The following RSBN1 variants were observed in gnomAD, a reference collection of about 807,000 sequenced individuals.
The protein encoded by RSBN1 is round spermatid basic protein 1, also known as lysine-specific demethylase 9.
A neutral mutation model predicts 74.8 loss-of-function variants in RSBN1; 23 were observed. The observed-to-expected ratio is 0.31, with a 90% confidence interval of 0.22 to 0.44. The LOEUF (loss-of-function observed/expected upper bound fraction) is 0.44, where lower values mean the gene tolerates loss of function less well. Among genes scored for constraint, RSBN1 ranks in the 20% least tolerant of loss-of-function variants. RSBN1 has a pLI of 1.00. For missense variants in RSBN1, 808 were observed against 1,020.9 expected (o/e 0.79, Z 2.84); for synonymous variants, 407 against 379.6 (o/e 1.07, Z -0.84).
At chr1:113,767,668 A>G (rs891174074) in intron 5 of RSBN1, among the ~76,000 whole-genome samples, 1 of 152,216 alleles carries the variant, frequency 6.6e-6, no homozygotes, top group Non-Finnish European at 1.5e-5. Flanking sequence ...AGATATTTAT[A>G]CACCCATGTT....
chr1:113,782,114 T>C (rs1190031030), intron 2 of RSBN1, among the ~76,000 whole-genome samples: 1 of 152,200 alleles, frequency 6.6e-6, no homozygotes, highest in Admixed American at 6.5e-5. Flanking sequence ...TCTCCACATT[T>C]GCCACATTCT....
In RSBN1 at chr1:113,812,082, G is replaced by C; in HGVS notation, c.331C>G (p.Pro111Ala). 1 of 1,583,568 alleles carries C rather than the reference G, an allele frequency of 6.3e-7. No individual in the cohort carries two copies. Among genetic ancestry groups the C allele is most frequent in the Admixed American group, 1.8e-5 (1 of 55,888 alleles). ...GRPSQEPPLAPPHRRRRSRQH... is the reference protein window; with the variant it reads ...GRPSQEPPLAAPHRRRRSRQH... ...CGGCTGCGACGCCGCCGGTGAGGGG[G>C]AGCGAGAGGGGGCTCCTGGCTCGGC... The change falls in exon 1 of 7, where the codon CCC (proline) becomes GCC (alanine). Residue 111 changes from proline to alanine, a missense_variant. Pro to Ala is a conservative substitution (Grantham distance 27). Coordinates refer to ENST00000261441, the MANE Select transcript of RSBN1 (RefSeq NM_018364.5).
At chr1:113,774,516 TA>T (rs557193765) in intron 4 of RSBN1, among the ~76,000 whole-genome samples, 39 of 144,102 alleles carry the variant, frequency 2.7e-4, no homozygotes, top group African/African-American at 5.1e-4. Context: ...CTACTAAAAA[TA>T]AAAAAAAAAA....
chr1:113,777,232 T>C lies in RSBN1; in HGVS notation c.1636A>G (p.Lys546Glu). 4 of 1,609,826 alleles carry C rather than the reference T, an allele frequency of 2.5e-6. No individual in the cohort carries two copies. The highest frequency in any genetic ancestry group is 3.4e-6 in the Non-Finnish European group (4 of 1,177,570). ...TACCGTCGTCTTTTGAAGGGTGACT[T>C]TGGCATATCTGCTGTAGGGATCATC... Reference protein sequence around the residue: ...EQMIPTADMPKSPFKRRRSMN... With the variant: ...EQMIPTADMPESPFKRRRSMN... The change falls in exon 4 of 7, where the codon AAG becomes GAG. Residue 546 changes from lysine to glutamate, a missense_variant. This residue lies in a region of RSBN1 where 112 missense variants were observed against 257.3 expected (regional missense o/e 0.44). Transcript: ENST00000261441.
Position 113,762,716 on chromosome 1 carries a change from T to C in RSBN1, c.*3264A>G, listed in dbSNP as rs987247951. 19 of 152,900 alleles carry C rather than the reference T, an allele frequency of 1.2e-4. No homozygotes were observed. The highest frequency in any genetic ancestry group is 8.3e-4 in the South Asian group (4 of 4,832). The allele number at this position is 152,900 out of a possible 1,614,324, so 9.5% of individuals were successfully genotyped here. On this transcript the variant is annotated 3_prime_UTR_variant, in exon 7 of 7. Coordinates refer to ENST00000261441, the MANE Select transcript of RSBN1 (RefSeq NM_018364.5). ...GTCTTGTTCCTATATTAGCTTTCATTCTAGACAATTAATATTTATATAGGG... is the reference window on the plus strand; with the variant it reads ...GTCTTGTTCCTATATTAGCTTTCATCCTAGACAATTAATATTTATATAGGG...
chr1:113,778,543 A>AC (rs1227645918), intron 2 of RSBN1, among the ~76,000 whole-genome samples: 3 of 151,610 alleles, frequency 2.0e-5, no homozygotes, highest in African/African-American at 7.3e-5. Context: ...CAAGTGATCC[A>AC]CCCGCCTTGG....
chr1:113,810,062 T>C (rs1660798518), intron 1 of RSBN1, among the ~76,000 whole-genome samples: 1 of 151,856 alleles, frequency 6.6e-6, no homozygotes, highest in Admixed American at 6.6e-5. Flanking sequence ...AGGTCAGAGA[T>C]CCTCGATGAT....
chr1:113,808,361 GAA>G (rs919847914), intron 1 of RSBN1, among the ~76,000 whole-genome samples: 1 of 150,886 alleles, frequency 6.6e-6, no homozygotes. Context: ...ACAGTGACAA[GAA>G]AAAAAAAGTC....
At chr1:113,803,498 C>A (rs1258124478) in intron 1 of RSBN1, among the ~76,000 whole-genome samples, 2 of 152,140 alleles carry the variant, frequency 1.3e-5, no homozygotes, top group Admixed American at 6.5e-5. Flanking sequence ...CAAGTTAATT[C>A]TTTGCACTGC....
chr1:113,776,151 G>T (rs1161784329), intron 4 of RSBN1, among the ~76,000 whole-genome samples: 1 of 152,116 alleles, frequency 6.6e-6, no homozygotes, highest in Admixed American at 6.6e-5. Flanking sequence ...AATTACTGAG[G>T]CTCGGTCCTA....
rs757613711 is a variant in RSBN1, at chr1:113,812,012, A to C, written c.401T>G (p.Val134Gly). The part of the protein sequence containing the change: ...PLPPTNAAPT[V>G]PGPVEPLLLP... Reference sequence around the variant, plus strand: ...GAGAAGAGGCTCAACAGGGCCTGGGACAGTTGGGGCTGCATTCGTTGGCGG... The same window carrying C: ...GAGAAGAGGCTCAACAGGGCCTGGGCCAGTTGGGGCTGCATTCGTTGGCGG... Residue 134 changes from valine to glycine, a missense_variant, in exon 1 of 7, where the codon GTC (valine) becomes GGC (glycine). Coordinates refer to ENST00000261441, the MANE Select transcript of RSBN1 (RefSeq NM_018364.5). 1 of 1,545,324 alleles carries C rather than the reference A, an allele frequency of 6.5e-7. No individual in the cohort carries two copies. Among genetic ancestry groups the C allele is most frequent in the African/African-American group, 1.4e-5 (1 of 72,998 alleles).
rs1660897521 is a variant in RSBN1 at position 113,812,414 on chromosome 1, C to A, written c.-2G>T. On this transcript the variant is annotated 5_prime_UTR_variant, in exon 1 of 7. Transcript: ENST00000261441. The stretch of plus-strand genomic sequence containing the variant: ...CGTTCTTCGTCCAGAGATGAACATG[C>A]CGGAAGCGGCCGTTCCCAGCTTTTC... 4 of 1,587,476 alleles carry A rather than the reference C, an allele frequency of 2.5e-6. No individual in the cohort carries two copies. Among genetic ancestry groups the A allele is most frequent in the South Asian group, 1.1e-5 (1 of 90,084 alleles).
At chr1:113,775,613 A>G (rs1660010410) in intron 4 of RSBN1, among the ~76,000 whole-genome samples, 1 of 152,176 alleles carries the variant, frequency 6.6e-6, no homozygotes, top group African/African-American at 2.4e-5. Context: ...CTGGGATTAC[A>G]GGTGTGAGCC....
At chr1:113,782,559 T>A (rs2797407) in intron 2 of RSBN1, among the ~76,000 whole-genome samples, 1,853 of 152,326 alleles carry the variant, frequency 0.012, 48 homozygotes, top group African/African-American at 0.043. Flanking sequence ...AGGACAACTA[T>A]TTTTTAAGAA....
intron 2 of RSBN1, among the ~76,000 whole-genome samples, chr1:113,796,024 A>G (rs1482208503): frequency 6.6e-6 from 1 of 152,194 alleles, no homozygotes; most frequent in Non-Finnish European, 1.5e-5. Flanking sequence ...TCCTTGTTAA[A>G]TAGGGAACTT....
chr1:113,793,653 C>A (rs1158448284), intron 2 of RSBN1, among the ~76,000 whole-genome samples: 1 of 151,668 alleles, frequency 6.6e-6, no homozygotes, highest in Non-Finnish European at 1.5e-5. Context: ...AAACTTGGAT[C>A]CATACATTCA....
intron 1 of RSBN1, among the ~76,000 whole-genome samples, chr1:113,802,892 CTTG>C (rs1196584943): frequency 1.3e-5 from 2 of 152,158 alleles, no homozygotes; most frequent in Non-Finnish European, 1.5e-5. Flanking sequence ...CAGGTTCACT[CTTG>C]TTGTACATTC....
chr1:113,765,083 G>C lies in RSBN1; in HGVS notation c.*897C>G, dbSNP rs1276211828. On this transcript the variant is annotated 3_prime_UTR_variant, in exon 7 of 7. Coordinates refer to ENST00000261441, the MANE Select transcript of RSBN1 (RefSeq NM_018364.5). The stretch of plus-strand genomic sequence containing the variant: ...AAGTGACAAGAATAGTTTATCATAA[G>C]ATTGATGCTCAAAATATGGCAGCCT... 1.3e-5 allele frequency: 2 copies of C among 152,276 alleles called. No individual in the cohort carries two copies. The highest frequency in any genetic ancestry group is 2.9e-5 in the Non-Finnish European group (2 of 67,998). The allele number at this position is 152,276 out of a possible 1,614,324, so 9.4% of individuals were successfully genotyped here.
chr1:113,777,958 C>T (rs1424918553), intron 2 of RSBN1, 150 bp from the exon 3 acceptor site: 1 of 594,900 alleles, frequency 1.7e-6, no homozygotes, highest in Non-Finnish European at 2.6e-6. Flanking sequence ...AGAGAGGCAC[C>T]CAAGCACACT....
Sources: allele counts gnomAD v4.1 joint callset (sites outside exome capture counted in the v4.1 genomes callset), GRCh38; gene constraint gnomAD v4.1.1; regional missense constraint gnomAD v4.1.1; transcripts MANE v1.5; gene names NCBI Gene and HGNC (gene_info 2026-07-23, HGNC 2026-07-21).